Variants in CTTNBP2 observed in about 807,000 individuals in gnomAD.
CTTNBP2 encodes cortactin-binding protein 2.
A neutral mutation model predicts 156.9 loss-of-function variants in CTTNBP2; 108 were observed. The observed-to-expected ratio is 0.69, with a 90% CI of 0.59 to 0.81. The LOEUF is 0.81. CTTNBP2 is among the 30% of genes least tolerant of loss of function. The pLI, the probability that CTTNBP2 is intolerant of heterozygous loss-of-function variation, is 0.00. For synonymous variants in CTTNBP2, 767 were observed against 751.8 expected, an observed-to-expected ratio of 1.02 and a Z score of -0.33; for missense variants, 1,924 against 2,035.4, an observed-to-expected ratio of 0.95 and a Z score of 1.05.
At chr7:117,755,099 T>A (rs1305510787) in intron 12 of CTTNBP2, among the ~76,000 whole-genome samples, 1 of 152,180 alleles carries the variant, frequency 6.6e-6, no homozygotes, top group Non-Finnish European at 1.5e-5. Context: ...AGCCAAGTAA[T>A]GATATACATC....
intron 14 of CTTNBP2, among the ~76,000 whole-genome samples, chr7:117,739,147 T>G (rs1056774968): frequency 6.6e-6 from 1 of 152,160 alleles, no homozygotes; most frequent in Non-Finnish European, 1.5e-5. Flanking sequence ...ACATCCTTAG[T>G]CAAGGTGGGG....
chr7:117,862,095 C>T (rs967578740), intron 1 of CTTNBP2, among the ~76,000 whole-genome samples: 3 of 152,060 alleles, frequency 2.0e-5, no homozygotes, highest in African/African-American at 7.3e-5. Flanking sequence ...CAGGCACACG[C>T]ACTTTTAAGA....
intron 3 of CTTNBP2, among the ~76,000 whole-genome samples, chr7:117,810,027 T>C (rs1298793275): frequency 6.6e-6 from 1 of 152,180 alleles, no homozygotes; most frequent in Non-Finnish European, 1.5e-5. Context: ...TTCTATTTAC[T>C]TATTTCCTTA....
At chr7:117,744,546 A>C (rs182601863) in intron 14 of CTTNBP2, among the ~76,000 whole-genome samples, 25 of 152,246 alleles carry the variant, frequency 1.6e-4, no homozygotes, top group Non-Finnish European at 3.2e-4. Flanking sequence ...ATAGCGCTCC[A>C]TCGTGTATAT....
At chr7:117,712,794 A>G (rs1334693607) in intron 22 of CTTNBP2, among the ~76,000 whole-genome samples, 2 of 152,134 alleles carry the variant, frequency 1.3e-5, no homozygotes, top group Non-Finnish European at 2.9e-5. Context: ...TTCATATTTA[A>G]TAGTTCTGGG....
chr7:117,734,854 TCTC>T (rs779025254), intron 16 of CTTNBP2, 56 bp downstream of exon 16: 137 of 1,374,276 alleles, frequency 1.0e-4, no homozygotes, highest in Non-Finnish European at 1.2e-4. Context: ...CAAGCTGAGA[TCTC>T]CTGACAACAA....
rs778176399 is a variant in CTTNBP2, at chr7:117,728,174, G to A, written c.3970C>T (p.Arg1324Cys). The change falls in exon 17 of 23, where the codon CGC (arginine) becomes TGC (cysteine). Residue 1324 changes from arginine (R) to cysteine (C), a missense_variant. Physicochemically the swap from Arg to Cys is radical, Grantham distance 180. Coordinates refer to ENST00000160373, the MANE Select transcript of CTTNBP2 (RefSeq NM_033427.3). ...VWRQLNSCLARLGTPEALLGP... is the reference protein window; with the variant it reads ...VWRQLNSCLACLGTPEALLGP... The stretch of plus-strand genomic sequence containing the variant: ...AGAAGTGCTTCAGGTGTGCCCAAGC[G>A]GGCCAGGCAGGAGTTAAGCTGACGC... 1.1e-5 allele frequency: 18 copies of A among 1,614,016 alleles called. No individual in the cohort carries two copies. In the East Asian group the frequency reaches 2.7e-4, roughly 24 times the overall value.
intron 8 of CTTNBP2, among the ~76,000 whole-genome samples, chr7:117,770,294 C>T (rs1361023001): frequency 6.6e-6 from 1 of 152,122 alleles, no homozygotes; most frequent in Non-Finnish European, 1.5e-5. Flanking sequence ...ATTTTTATTA[C>T]ATTCAGGTAG....
chr7:117,825,796 G>A (rs1446502486), intron 2 of CTTNBP2, among the ~76,000 whole-genome samples: 1 of 152,154 alleles, frequency 6.6e-6, no homozygotes, highest in Non-Finnish European at 1.5e-5. Context: ...ACTTGGCTGG[G>A]TACCTAAACA....
At chr7:117,845,656 T>C (rs1432984816) in intron 2 of CTTNBP2, among the ~76,000 whole-genome samples, 1 of 152,212 alleles carries the variant, frequency 6.6e-6, no homozygotes, top group Non-Finnish European at 1.5e-5. Flanking sequence ...GACACAGGTT[T>C]TTATAAGCAA....
chr7:117,836,818 A>C lies in CTTNBP2; in HGVS notation c.189+24391T>G, dbSNP rs139495057. ...AAATGAGAACCAAGTGAAAGGGGAA[A>C]CCCTTTATAAAAACATCAGATCTTG... On this transcript the variant is annotated intron_variant, in intron 2 of 22. Transcript: ENST00000160373. Among the ~76,000 whole-genome samples, 108 of 152,220 alleles carry C rather than the reference A, an allele frequency of 7.1e-4. No homozygotes were observed. The East Asian group carries it at 0.015, about 22-fold the overall frequency.
intron 14 of CTTNBP2, among the ~76,000 whole-genome samples, chr7:117,741,848 T>G (rs1438336516): frequency 1.3e-5 from 2 of 152,258 alleles, no homozygotes; most frequent in African/African-American, 4.8e-5. Flanking sequence ...TGAATTAAAC[T>G]AATAATTCTC....
At chr7:117,833,440 T>A (rs1022481637) in intron 2 of CTTNBP2, among the ~76,000 whole-genome samples, 1 of 152,230 alleles carries the variant, frequency 6.6e-6, no homozygotes, top group East Asian at 1.9e-4. Context: ...CCTGAGTGCA[T>A]TTTAAAACAA....
At chr7:117,835,236 T>C (rs559042516) in intron 2 of CTTNBP2, among the ~76,000 whole-genome samples, 83 of 152,348 alleles carry the variant, frequency 5.4e-4, no homozygotes, top group African/African-American at 1.2e-3. Context: ...TGGTGAATTA[T>C]CAGTGTGTCT....
chr7:117,738,360 T>C (rs531734748), intron 14 of CTTNBP2, among the ~76,000 whole-genome samples: 1 of 152,196 alleles, frequency 6.6e-6, no homozygotes, highest in South Asian at 2.1e-4. Flanking sequence ...AGTCTTTAAA[T>C]AGGGGGATAA....
At position 117,719,614 on chromosome 7, in the gene CTTNBP2, G is replaced by GTGA. The variant is rs760285636; in HGVS notation, c.4531_4533dup (p.Ser1511dup). On this transcript the variant is annotated inframe_insertion, in exon 21 of 23. Transcript: ENST00000160373. ...AGTCTCTGATCCAAATTCAACGTCA[G>GTGA]TGATAGATCATTCTCTAAAGACCTA... 2.2e-5 allele frequency: 35 copies of GTGA among 1,613,556 alleles called. No homozygotes were observed. The South Asian group carries it at 3.1e-4, about 14-fold the overall frequency.
chr7:117,781,292 G>C (rs1188713424), intron 6 of CTTNBP2, among the ~76,000 whole-genome samples: 1 of 152,150 alleles, frequency 6.6e-6, no homozygotes, highest in Non-Finnish European at 1.5e-5. Context: ...TTAGAAAAGA[G>C]GGCTAAATCA....
At chr7:117,717,686 C>A (rs1439439364) in intron 22 of CTTNBP2, among the ~76,000 whole-genome samples, 1 of 150,714 alleles carries the variant, frequency 6.6e-6, no homozygotes, top group Non-Finnish European at 1.5e-5. Context: ...TCTTAGATTT[C>A]AGGCATCACC....
At position 117,760,441 on chromosome 7, in the gene CTTNBP2, T is replaced by C; in HGVS notation, c.3166A>G (p.Thr1056Ala). The change falls in exon 10 of 23, where the codon ACG becomes GCG. Residue 1056 changes from threonine to alanine, a missense_variant. By Grantham distance (58) the Thr-to-Ala change is moderately conservative (BLOSUM62 0). Transcript: ENST00000160373. ...GTCATAGGACTGCTGATACCTAGCG[T>C]GATGGATCGTATGCTTCTTGCACTG... ...GLSARSIRSITLGNVPWSVGQ... is the reference protein window; with the variant it reads ...GLSARSIRSIALGNVPWSVGQ... 1 of 1,613,758 alleles carries C rather than the reference T, an allele frequency of 6.2e-7. No individual in the cohort carries two copies.
Sources: gnomAD v4.1 joint callset for allele counts (sites outside exome capture counted in the v4.1 genomes callset) on GRCh38, gnomAD v4.1.1 for gene constraint, MANE v1.5 for transcripts, NCBI Gene and HGNC (gene_info 2026-07-23, HGNC 2026-07-21) for gene names.